MCPH1: variants seen among roughly 807,000 people sequenced by gnomAD.
The protein encoded by MCPH1 is microcephalin.
MCPH1 carries 104 observed loss-of-function variants against 84.5 expected under a neutral mutation model. The observed-to-expected ratio is 1.23, with a 90% confidence interval of 1.05 to 1.45. MCPH1 has a LOEUF of 1.45. Among genes scored for constraint, MCPH1 ranks in the 40% most tolerant of loss-of-function variants. MCPH1 has a pLI of 0.00. For missense variants in MCPH1, 1,498 were observed against 1,005.7 expected (o/e 1.49, Z -6.62); for synonymous variants, 514 against 366.8 (o/e 1.40, Z -4.58).
intron 12 of MCPH1, among the ~76,000 whole-genome samples, chr8:6,514,090 G>T (rs749360409): frequency 2.6e-5 from 4 of 152,192 alleles, no homozygotes; most frequent in Non-Finnish European, 5.9e-5. Flanking sequence ...GCCACCAGCA[G>T]AAGCCTTGGC....
In MCPH1 at chr8:6,643,294, C is replaced by G; in HGVS notation, c.*245C>G. The G allele has an allele frequency of 2.0e-6, 1 of 505,528 alleles. No individual in the cohort carries two copies. The highest frequency in any genetic ancestry group is 3.5e-6 in the Non-Finnish European group (1 of 282,070). The allele number at this position is 505,528 out of a possible 1,614,324, so 31.3% of individuals were successfully genotyped here. A position where few individuals can be genotyped will look rare whatever the true frequency, so the allele number is the denominator to read the frequency against. ...ATTTTTTATTTTTTGAGACGGAGTC[C>G]TGCCCTGTTTCCCAGGCTGGAGTGC... On this transcript the variant is annotated 3_prime_UTR_variant, in exon 14 of 14. Transcript: ENST00000344683.
Position 6,499,940 on chromosome 8 carries a change from TG to T in MCPH1, c.2214+12del, listed in dbSNP as rs1811828456. On this transcript the variant is annotated intron_variant, in intron 12 of 13. Transcript: ENST00000344683. ...TTCCCTGCAGCTCCCGTAAGTCAGA[TG>T]TTGTTTTACGATGGTAAATGCAGTT... is the stretch of plus-strand genomic sequence containing the variant. The T allele has an allele frequency of 1.2e-6, 2 of 1,610,798 alleles. No individual in the cohort carries two copies. The highest frequency in any genetic ancestry group is 1.7e-6 in the Non-Finnish European group (2 of 1,177,276).
intron 9 of MCPH1, among the ~76,000 whole-genome samples, chr8:6,471,004 G>C (rs73518749): frequency 6.6e-6 from 1 of 152,168 alleles, no homozygotes; most frequent in African/African-American, 2.4e-5. Context: ...TACAATGGAG[G>C]CTGCTACAGT....
At chr8:6,539,155 G>A (rs768328456) in intron 12 of MCPH1, among the ~76,000 whole-genome samples, 1 of 152,230 alleles carries the variant, frequency 6.6e-6, no homozygotes, top group Non-Finnish European at 1.5e-5. Context: ...ATTTTGGGCA[G>A]CACTTTGTCC....
intron 12 of MCPH1, among the ~76,000 whole-genome samples, chr8:6,605,911 G>A (rs1829738749): frequency 6.6e-6 from 1 of 152,202 alleles, no homozygotes; most frequent in South Asian, 2.1e-4. Context: ...TGGCCAGGCT[G>A]GTCTCGAATG....
chr8:6,632,532 G>A (rs929467427), intron 13 of MCPH1, among the ~76,000 whole-genome samples: 1 of 152,176 alleles, frequency 6.6e-6, no homozygotes, highest in Non-Finnish European at 1.5e-5. Flanking sequence ...ATCTGAGGCT[G>A]AGCGCAGTGA....
intron 2 of MCPH1, among the ~76,000 whole-genome samples, chr8:6,411,189 G>A (rs149995252): frequency 6.6e-6 from 1 of 152,160 alleles, no homozygotes; most frequent in African/African-American, 2.4e-5. Flanking sequence ...CCTGGTTGAA[G>A]AGTTGGTGGT....
intron 12 of MCPH1, among the ~76,000 whole-genome samples, chr8:6,549,739 C>G (rs145307382): frequency 6.6e-6 from 1 of 151,820 alleles, no homozygotes; most frequent in African/African-American, 2.4e-5. Flanking sequence ...TGAGGAGGGG[C>G]GTGAGGGAGC....
intron 8 of MCPH1, among the ~76,000 whole-genome samples, chr8:6,454,486 G>T (rs1241795013): frequency 6.6e-6 from 1 of 152,176 alleles, no homozygotes; most frequent in African/African-American, 2.4e-5. Context: ...AAGGGTGAGA[G>T]TAAGAGGCAC....
intron 12 of MCPH1, among the ~76,000 whole-genome samples, chr8:6,523,120 C>G (rs1586343233): frequency 2.6e-5 from 4 of 152,184 alleles, no homozygotes; most frequent in South Asian, 2.1e-4. Context: ...GCCTCAGTCT[C>G]CCGAGTAGCT....
Position 6,490,719 on chromosome 8 carries a change from A to G in MCPH1, c.2137-9133A>G, listed in dbSNP as rs149115680. On this transcript the variant is annotated intron_variant, in intron 11 of 13. Transcript: ENST00000344683. ...AGGAATTCCAAATGAAATGAATTTC[A>G]TAGGAAAATCTCATACAGAAAATTT... Among the ~76,000 whole-genome samples the G allele has an allele frequency of 3.9e-5, 6 of 152,314 alleles. No individual in the cohort carries two copies. The East Asian group carries it at 9.6e-4, about 24-fold the overall frequency.
intron 6 of MCPH1, among the ~76,000 whole-genome samples, chr8:6,439,392 CTT>C (rs1204165100): frequency 1.5e-5 from 2 of 135,858 alleles, no homozygotes; most frequent in Admixed American, 7.4e-5. Flanking sequence ...TGAATCATGT[CTT>C]TTTTTTTTTT....
chr8:6,442,480 A>G (rs923872952), intron 7 of MCPH1, among the ~76,000 whole-genome samples: 1 of 152,228 alleles, frequency 6.6e-6, no homozygotes, highest in Non-Finnish European at 1.5e-5. Flanking sequence ...AGCTAAGGAA[A>G]TGTTGTTTCA....
chr8:6,533,267 A>C (rs1418200194), intron 12 of MCPH1, among the ~76,000 whole-genome samples: 2 of 152,252 alleles, frequency 1.3e-5, no homozygotes, highest in Non-Finnish European at 2.9e-5. Flanking sequence ...CAAGAGAAGG[A>C]AGAAGCTCAT....
intron 12 of MCPH1, among the ~76,000 whole-genome samples, chr8:6,511,950 T>C (rs1815218733): frequency 6.6e-6 from 1 of 151,868 alleles, no homozygotes; most frequent in South Asian, 2.1e-4. Flanking sequence ...CTGTTGCCAG[T>C]TGAAAAAATA....
chr8:6,456,503 G>A (rs886941261), intron 9 of MCPH1, among the ~76,000 whole-genome samples: 3 of 152,124 alleles, frequency 2.0e-5, no homozygotes, highest in African/African-American at 4.8e-5. Flanking sequence ...ATCTACTACC[G>A]TTCCCGTGCC....
intron 9 of MCPH1, among the ~76,000 whole-genome samples, chr8:6,465,225 G>A (rs1410557532): frequency 6.6e-6 from 1 of 152,188 alleles, no homozygotes; most frequent in African/African-American, 2.4e-5. Flanking sequence ...GCTTGCTGAA[G>A]TAGCAAACTT....
intron 12 of MCPH1, chr8:6,521,557 C>T (rs921816292): frequency 9.6e-6 from 6 of 623,690 alleles, no homozygotes; most frequent in Middle Eastern, 4.3e-4. Context: ...TAAGGAATCT[C>T]TGAAACTTGC....
intron 12 of MCPH1, among the ~76,000 whole-genome samples, chr8:6,529,180 T>G (rs1180823411): frequency 6.6e-6 from 1 of 152,230 alleles, no homozygotes; most frequent in South Asian, 2.1e-4. Flanking sequence ...TGGACCAGCC[T>G]GAAGGCGTCC....
Sources: allele counts gnomAD v4.1 joint callset (sites outside exome capture counted in the v4.1 genomes callset), GRCh38; gene constraint gnomAD v4.1.1; transcripts MANE v1.5; gene names NCBI Gene and HGNC (gene_info 2026-07-23, HGNC 2026-07-21).